The following NKX2-2 variants were observed in gnomAD, a reference collection of about 807,000 sequenced individuals.
The protein encoded by NKX2-2 is homeobox protein Nkx-2.2.
A neutral mutation model predicts 24.6 loss-of-function variants in NKX2-2; 8 were observed. That is an observed-to-expected ratio of 0.32 (90% CI 0.19 to 0.59). The LOEUF is 0.59. Among genes scored for constraint, NKX2-2 ranks in the 20% least tolerant of loss-of-function variants. NKX2-2 has a pLI of 0.86. For synonymous variants in NKX2-2, 217 were observed against 173.3 expected (o/e 1.25, Z -1.98); for missense variants, 381 against 373.9 (o/e 1.02, Z -0.16).
At chr20:21,522,266 G>A in the NKX2-2 span, among the ~76,000 whole-genome samples, 1 of 152,198 alleles carries the variant, frequency 6.6e-6, no homozygotes, top group Non-Finnish European at 1.5e-5. Context: ...GGACCCGGGA[G>A]AGCGAGGGGC....
the NKX2-2 span, among the ~76,000 whole-genome samples, chr20:21,521,998 C>CTCCCAGCCCCGCACCT: frequency 6.6e-6 from 1 of 152,244 alleles, no homozygotes; most frequent in Non-Finnish European, 1.5e-5. Context: ...CCTCCTCCGC[C>CTCCCAGCCCCGCACCT]TCCCAGCCCC....
In NKX2-2 at chr20:21,512,096, C is replaced by A; in HGVS notation, c.649G>T (p.Ala217Ser). The A allele has an allele frequency of 1.2e-6, 2 of 1,613,844 alleles. No homozygotes were observed. Among genetic ancestry groups the A allele is most frequent in the African/African-American group, 2.7e-5 (2 of 75,064 alleles). Residue 217 changes from alanine to serine, a missense_variant, in exon 2 of 2, where the codon GCG becomes TCG. By Grantham distance (99) the Ala-to-Ser change is moderately conservative (BLOSUM62 1). Transcript: ENST00000377142. ...VLVRDGKPCHALKAQDLAAAT... is the reference protein window; with the variant it reads ...VLVRDGKPCHSLKAQDLAAAT... ...GCTGCCAGGTCCTGGGCTTTGAGCG[C>A]GTGACATGGTTTGCCGTCCCTGACC...
In NKX2-2 at chr20:21,511,518, G is replaced by A. The variant is rs541305592; in HGVS notation, c.*405C>T. Reference sequence around the variant, plus strand: ...GCTTTAGAAGACGGCTGACAATATCGCTACTCACACAAACATATTTTACAA... The same window carrying A: ...GCTTTAGAAGACGGCTGACAATATCACTACTCACACAAACATATTTTACAA... On this transcript the variant is annotated 3_prime_UTR_variant, in exon 2 of 2. Transcript: ENST00000377142. 2.4e-5 allele frequency: 4 copies of A among 164,584 alleles called. No individual in the cohort carries two copies. Among genetic ancestry groups the A allele is most frequent in the Non-Finnish European group, 5.2e-5 (4 of 76,606 alleles). 10.2% of individuals were successfully genotyped at this position (164,584 alleles called of 1,614,324 possible). A position where few individuals can be genotyped will look rare whatever the true frequency, so the allele number is the denominator to read the frequency against.
chr20:21,520,995 A>G, the NKX2-2 span, among the ~76,000 whole-genome samples: 3 of 152,036 alleles, frequency 2.0e-5, no homozygotes, highest in East Asian at 5.8e-4. Flanking sequence ...GGCTCTCCTA[A>G]CGGGTTGCAT....
Position 21,511,910 on chromosome 20 carries a change from G to T in NKX2-2, c.*13C>A, listed in dbSNP as rs200098958. On this transcript the variant is annotated 3_prime_UTR_variant, in exon 2 of 2. Coordinates refer to ENST00000377142, the MANE Select transcript of NKX2-2 (RefSeq NM_002509.4). The stretch of plus-strand genomic sequence containing the variant: ...GCCTGGGCCTGGGGCCGCGAGTCTC[G>T]TTGGGGCGGCGCTCACCAAGTCCAC... The T allele has an allele frequency of 3.6e-4, 568 of 1,562,708 alleles. 4 individuals are homozygous for T. In the East Asian group the frequency reaches 0.012, roughly 34 times the overall value.
chr20:21,518,648 G>T (rs967020805), upstream of NKX2-2, among the ~76,000 whole-genome samples: 1 of 152,216 alleles, frequency 6.6e-6, no homozygotes, highest in Non-Finnish European at 1.5e-5. Context: ...TCAAACACGA[G>T]CGCCTTTTCT....
At chr20:21,512,731 G>T (rs1225580687) in intron 1 of NKX2-2, among the ~76,000 whole-genome samples, 3 of 152,116 alleles carry the variant, frequency 2.0e-5, no homozygotes, top group Non-Finnish European at 2.9e-5. Flanking sequence ...GGCTCACATA[G>T]TGTGGGTGAG....
upstream of NKX2-2, among the ~76,000 whole-genome samples, chr20:21,515,210 C>T (rs1980597671): frequency 6.6e-6 from 1 of 152,030 alleles, no homozygotes; most frequent in Non-Finnish European, 1.5e-5. Flanking sequence ...CCGGCCCCCT[C>T]CCTCTCCAGC....
At chr20:21,512,587 C>T in intron 1 of NKX2-2, 102 bp from the exon 2 acceptor site, 1 of 894,266 alleles carries the variant, frequency 1.1e-6, no homozygotes, top group East Asian at 2.6e-5. Context: ...CCCTGGACCT[C>T]CGCGCCTGGC....
chr20:21,511,868 AC>A lies in NKX2-2; in HGVS notation c.*54del. ...TAAGGACCGAGGCCTCCTCGCCGCC[AC>A]CGCCGCCGGGGTGGGGCCTGGGCCT... is the stretch of plus-strand genomic sequence containing the variant. On this transcript the variant is annotated 3_prime_UTR_variant, in exon 2 of 2. Transcript: ENST00000377142. The A allele has an allele frequency of 6.9e-7, 1 of 1,440,380 alleles. No homozygotes were observed. The highest frequency in any genetic ancestry group is 9.3e-7 in the Non-Finnish European group (1 of 1,076,210). The allele number at this position is 1,440,380 out of a possible 1,614,324, so 89.2% of individuals were successfully genotyped here. A position where few individuals can be genotyped will look rare whatever the true frequency, so the allele number is the denominator to read the frequency against.
At chr20:21,512,591 G>T (rs1041117677) in intron 1 of NKX2-2, 106 bp from the exon 2 acceptor site, 12 of 853,966 alleles carry the variant, frequency 1.4e-5, no homozygotes, top group South Asian at 3.6e-5. Flanking sequence ...GGACCTCCGC[G>T]CCTGGCAGCC....
Position 21,513,754 on chromosome 20 carries a change from A to T in NKX2-2, c.-85T>A. The T allele has an allele frequency of 1.7e-4, 43 of 253,592 alleles. No individual in the cohort carries two copies. The highest frequency in any genetic ancestry group is 1.9e-3 in the Middle Eastern group (1 of 526). The allele number at this position is 253,592 out of a possible 1,614,324, so 15.7% of individuals were successfully genotyped here. On this transcript the variant is annotated 5_prime_UTR_variant, in exon 1 of 2. Transcript: ENST00000377142. This position sits in a 1 kb window ranked among gnomAD's most constrained non-coding sequence, Gnocchi z 4.6. ...GCTCCCCTGCCCCGGCGGGCGGGGGAGGGGGGAGTTGGGGGGAGGGACTGG... is the reference window on the plus strand; with the variant it reads ...GCTCCCCTGCCCCGGCGGGCGGGGGTGGGGGGAGTTGGGGGGAGGGACTGG...
At chr20:21,517,526 G>A (rs970975539), upstream of NKX2-2, among the ~76,000 whole-genome samples, 2 of 152,192 alleles carry the variant, frequency 1.3e-5, no homozygotes, top group Non-Finnish European at 2.9e-5. Context: ...CTGGGAGACC[G>A]CTGGGAGGTC....
the NKX2-2 span, among the ~76,000 whole-genome samples, chr20:21,522,292 G>T: frequency 6.6e-6 from 1 of 152,196 alleles, no homozygotes; most frequent in African/African-American, 2.4e-5. Flanking sequence ...ACCGGGGTCC[G>T]CCGTGAACCC....
upstream of NKX2-2, among the ~76,000 whole-genome samples, chr20:21,514,622 G>T (rs1398002979): frequency 3.9e-5 from 6 of 152,120 alleles, no homozygotes; most frequent in African/African-American, 1.4e-4. Flanking sequence ...CCGGCAAGCC[G>T]GAAAATTGGC....
In NKX2-2 at chr20:21,513,748, CGGGGGAG is replaced by C; in HGVS notation, c.-86_-80del. On this transcript the variant is annotated 5_prime_UTR_variant, in exon 1 of 2. Coordinates refer to ENST00000377142, the MANE Select transcript of NKX2-2 (RefSeq NM_002509.4). The surrounding 1 kb of genome is among the most constrained non-coding windows in gnomAD (Gnocchi z 4.6). ...CGTGGCGCTCCCCTGCCCCGGCGGGCGGGGGAGGGGGGAGTTGGGGGGAGGGACTGGG... is the reference window on the plus strand; with the variant it reads ...CGTGGCGCTCCCCTGCCCCGGCGGGCGGGGGAGTTGGGGGGAGGGACTGGG... The C allele has an allele frequency of 3.1e-6, 1 of 327,696 alleles. No homozygotes were observed. Among genetic ancestry groups the C allele is most frequent in the Non-Finnish European group, 3.7e-6 (1 of 273,550 alleles). 20.3% of individuals were successfully genotyped at this position (327,696 alleles called of 1,614,324 possible). A position where few individuals can be genotyped will look rare whatever the true frequency, so the allele number is the denominator to read the frequency against.
the NKX2-2 span, among the ~76,000 whole-genome samples, chr20:21,519,421 C>G: frequency 6.6e-6 from 1 of 152,172 alleles, no homozygotes; most frequent in Non-Finnish European, 1.5e-5. Flanking sequence ...ATTAACGGCG[C>G]GGACACAAAG....
chr20:21,516,228 G>A (rs1022295475), upstream of NKX2-2, among the ~76,000 whole-genome samples: 1 of 151,886 alleles, frequency 6.6e-6, no homozygotes, highest in Non-Finnish European at 1.5e-5. Flanking sequence ...TTCTGAATCC[G>A]TCCACAATAT....
chr20:21,512,790 C>T (rs1374465233), intron 1 of NKX2-2, among the ~76,000 whole-genome samples: 2 of 152,168 alleles, frequency 1.3e-5, no homozygotes, highest in African/African-American at 4.8e-5. Flanking sequence ...TTAAGGGCTC[C>T]GGCGCCCTTA....
Sources: gnomAD v4.1 joint callset for allele counts (sites outside exome capture counted in the v4.1 genomes callset) on GRCh38, gnomAD v4.1.1 for gene constraint, Gnocchi (gnomAD v3.1) non-coding constraint, MANE v1.5 for transcripts, NCBI Gene and HGNC (gene_info 2026-07-23, HGNC 2026-07-21) for gene names.